The following CASP6 variants were observed in gnomAD, a reference collection of about 807,000 sequenced individuals.
The protein encoded by CASP6 is caspase-6.
Under a neutral mutation model 31.8 loss-of-function variants are expected in CASP6, and 20 were observed. The observed-to-expected ratio is 0.63, with a 90% CI of 0.44 to 0.91. CASP6 has a LOEUF of 0.91. Among genes scored for constraint, CASP6 ranks in the 40% least tolerant of loss-of-function variants. The pLI is 0.00. For synonymous variants in CASP6, 130 were observed against 127.8 expected, an observed-to-expected ratio of 1.02 and a Z score of -0.12; for missense variants, 328 against 361.1, an observed-to-expected ratio of 0.91 and a Z score of 0.74.
At chr4:109,682,473 C>A in the CASP6 span, 1 of 855,754 alleles carries the variant, frequency 1.2e-6, no homozygotes, top group East Asian at 2.5e-5. Context: ...GCTTCCTTAC[C>A]CTGTGGATCC....
intron 5 of CASP6, among the ~76,000 whole-genome samples, chr4:109,693,453 C>T (rs1730137635): frequency 6.6e-6 from 1 of 152,096 alleles, no homozygotes; most frequent in South Asian, 2.1e-4. Flanking sequence ...TCTGGGAGGC[C>T]AAGGCGGGCA....
downstream of CASP6, among the ~76,000 whole-genome samples, chr4:109,687,316 A>G (rs1429261047): frequency 6.6e-6 from 1 of 152,164 alleles, no homozygotes; most frequent in African/African-American, 2.4e-5. Flanking sequence ...CTGAGATGGT[A>G]GCACTGCACT....
the CASP6 span, among the ~76,000 whole-genome samples, chr4:109,681,769 G>T: frequency 6.6e-6 from 1 of 152,250 alleles, no homozygotes; most frequent in Non-Finnish European, 1.5e-5. Context: ...GGATCCGGAA[G>T]AATGTAAGTC....
At chr4:109,704,549 A>C (rs185638518), upstream of CASP6, among the ~76,000 whole-genome samples, 3 of 152,362 alleles carry the variant, frequency 2.0e-5, no homozygotes, top group East Asian at 5.8e-4. Context: ...GGGAATTGCA[A>C]AAGAAAAGCT....
the CASP6 span, among the ~76,000 whole-genome samples, chr4:109,673,359 A>G: frequency 2.0e-5 from 3 of 152,012 alleles, no homozygotes; most frequent in East Asian, 5.8e-4. Flanking sequence ...ATAAAGCACA[A>G]CCTCCGCACT....
upstream of CASP6, among the ~76,000 whole-genome samples, chr4:109,707,009 CT>C (rs1303789584): frequency 6.6e-6 from 1 of 152,214 alleles, no homozygotes; most frequent in Admixed American, 6.5e-5. Context: ...GTCAGCAGCC[CT>C]CAACAATACC....
At chr4:109,685,459 A>C (rs975053885), downstream of CASP6, 26 of 604,464 alleles carry the variant, frequency 4.3e-5, no homozygotes, top group Admixed American at 6.6e-4. Context: ...TCACAAATTA[A>C]ATCTTGGTCC....
chr4:109,684,422 C>T, downstream of CASP6: 3 of 1,575,074 alleles, frequency 1.9e-6, no homozygotes, highest in Non-Finnish European at 2.6e-6. Context: ...ACAGAATTAA[C>T]AGTTTTTCAT....
chr4:109,686,487 A>G, downstream of CASP6, among the ~76,000 whole-genome samples: 1 of 152,232 alleles, frequency 6.6e-6, no homozygotes, highest in East Asian at 1.9e-4. Context: ...TTCTATAGGA[A>G]AAATATAATG....
chr4:109,679,298 G>A, the CASP6 span, among the ~76,000 whole-genome samples: 3 of 152,242 alleles, frequency 2.0e-5, no homozygotes, highest in Non-Finnish European at 2.9e-5. Flanking sequence ...AAGGCAGGCG[G>A]CTGGGAGGTG....
At chr4:109,672,558 T>C in the CASP6 span, among the ~76,000 whole-genome samples, 6 of 152,326 alleles carry the variant, frequency 3.9e-5, no homozygotes, top group South Asian at 1.2e-3. Context: ...CCTTAATAAA[T>C]TGGTGATAAA....
chr4:109,705,993 AAAAAAAAAAT>A (rs1371786393), upstream of CASP6, among the ~76,000 whole-genome samples: 60 of 67,810 alleles, frequency 8.8e-4, 1 homozygote, highest in African/African-American at 4.5e-3. Context: ...AAAAAAAAAA[AAAAAAAAAAT>A]ATATATATAT....
At chr4:109,666,061 A>G in the CASP6 span, among the ~76,000 whole-genome samples, 2 of 152,118 alleles carry the variant, frequency 1.3e-5, no homozygotes, top group African/African-American at 4.8e-5. Flanking sequence ...GAAGAAAGTG[A>G]AGAGGAAGGC....
At chr4:109,697,346 C>T (rs187482800) in intron 3 of CASP6, among the ~76,000 whole-genome samples, 216 of 151,858 alleles carry the variant, frequency 1.4e-3, no homozygotes, top group African/African-American at 5.0e-3. Context: ...ATCACAGCTC[C>T]GTGCAGCCTT....
At chr4:109,691,458 C>T (rs1009341880) in intron 5 of CASP6, among the ~76,000 whole-genome samples, 48 of 152,294 alleles carry the variant, frequency 3.2e-4, no homozygotes, top group African/African-American at 1.1e-3. Flanking sequence ...GTTAAAATGA[C>T]ATCCAGCCTG....
intron 1 of CASP6, among the ~76,000 whole-genome samples, chr4:109,701,507 C>A (rs1730420334): frequency 6.6e-6 from 1 of 151,960 alleles, no homozygotes; most frequent in South Asian, 2.1e-4. Flanking sequence ...TGGCTCACTG[C>A]AAGTCCACCT....
the CASP6 span, chr4:109,674,262 C>G: frequency 6.1e-6 from 4 of 652,570 alleles, no homozygotes; most frequent in Non-Finnish European, 1.1e-5. Context: ...GGCTTCCTTT[C>G]TTGCAGGCTT....
intron 5 of CASP6, among the ~76,000 whole-genome samples, chr4:109,694,131 T>C (rs746822831): frequency 5.9e-5 from 9 of 152,216 alleles, no homozygotes; most frequent in Non-Finnish European, 1.3e-4. Context: ...ACTAGAAGGC[T>C]TTATTTTTCC....
the CASP6 span, among the ~76,000 whole-genome samples, chr4:109,677,866 G>A: frequency 1.8e-4 from 27 of 146,478 alleles, no homozygotes; most frequent in East Asian, 4.9e-3. Flanking sequence ...TTCTCGGAGA[G>A]GGGGATGTGG....
Sources: allele counts gnomAD v4.1 joint callset (sites outside exome capture counted in the v4.1 genomes callset), GRCh38; gene constraint gnomAD v4.1.1; transcripts MANE v1.5; gene names NCBI Gene and HGNC (gene_info 2026-07-23, HGNC 2026-07-21).